LAMA2: variants seen among roughly 807,000 people sequenced by gnomAD.
LAMA2 encodes laminin subunit alpha 2.
LAMA2 carries 269 observed loss-of-function variants against 364.8 expected under a neutral mutation model. That is an observed-to-expected ratio of 0.74 (90% CI 0.67 to 0.82). LAMA2 has a LOEUF of 0.82. Among genes scored for constraint, LAMA2 ranks in the 40% least tolerant of loss-of-function variants. The pLI is 0.00. For synonymous variants in LAMA2, 1,379 were observed against 1,370.6 expected, an observed-to-expected ratio of 1.01 and a Z score of -0.14; for missense variants, 3,807 against 3,873.2, an observed-to-expected ratio of 0.98 and a Z score of 0.45.
At chr6:129,170,984 C>A (rs1239950160) in intron 9 of LAMA2, among the ~76,000 whole-genome samples, 1 of 151,496 alleles carries the variant, frequency 6.6e-6, no homozygotes, top group Non-Finnish European at 1.5e-5. Flanking sequence ...TTATCAGAGA[C>A]TAGGATTGCA....
chr6:128,923,209 T>C (rs1778852595), intron 1 of LAMA2, among the ~76,000 whole-genome samples: 1 of 150,370 alleles, frequency 6.7e-6, no homozygotes, highest in Non-Finnish European at 1.5e-5. Flanking sequence ...TTTGGTTCCA[T>C]ATGAACTTTA....
chr6:129,238,242 T>C (rs1216634363), intron 12 of LAMA2, among the ~76,000 whole-genome samples: 1 of 151,734 alleles, frequency 6.6e-6, no homozygotes, highest in Non-Finnish European at 1.5e-5. Context: ...AATTCAAAAA[T>C]CTATTCTGAA....
chr6:129,291,741 C>T (rs1476934570), intron 20 of LAMA2, 21 bp downstream of exon 20: 1 of 1,504,260 alleles, frequency 6.6e-7, no homozygotes, highest in Admixed American at 1.7e-5. Flanking sequence ...GAGGCTGACC[C>T]ATAAATTACT....
Position 129,456,383 on chromosome 6 carries a change from AGCCAGCATTGTGCCCAGC to A in LAMA2, c.6757_6774del (p.Ala2253_Ser2258del). 1 of 1,613,654 alleles carries A rather than the reference AGCCAGCATTGTGCCCAGC, an allele frequency of 6.2e-7. No individual in the cohort carries two copies. The highest frequency in any genetic ancestry group is 8.5e-7 in the Non-Finnish European group (1 of 1,179,672). On this transcript the variant is annotated inframe_deletion, in exon 48 of 65. Transcript: ENST00000421865. ...CTGTGAGAGCCCTGGATGGACCCAA[AGCCAGCATTGTGCCCAGC>A]ACACACCATTCGACGTCTCCTCCAG...
intron 40 of LAMA2, among the ~76,000 whole-genome samples, chr6:129,408,274 A>G (rs1457120153): frequency 2.0e-5 from 3 of 152,200 alleles, no homozygotes; most frequent in Non-Finnish European, 4.4e-5. Flanking sequence ...ACTTTGCCCC[A>G]GTCCGGCAAA....
chr6:129,267,160 GAGCCATGTCAGT>G lies in LAMA2; in HGVS notation c.2264_2275del (p.Glu755_Cys759delinsGly), dbSNP rs1307580344. 2 of 1,613,362 alleles carry G rather than the reference GAGCCATGTCAGT, an allele frequency of 1.2e-6. No individual in the cohort carries two copies. The highest frequency in any genetic ancestry group is 1.7e-6 in the Non-Finnish European group (2 of 1,179,554). ...CGGCACTATTTTTGGTGGCATCTGTGAGCCATGTCAGTGCTTTGGTCATGCGGAGTCCTGTGA... is the reference window on the plus strand; with the variant it reads ...CGGCACTATTTTTGGTGGCATCTGTGGCTTTGGTCATGCGGAGTCCTGTGA... On this transcript the variant is annotated inframe_deletion, in exon 16 of 65. Coordinates refer to ENST00000421865, the MANE Select transcript of LAMA2 (RefSeq NM_000426.4).
chr6:129,120,847 G>A (rs1776764460), intron 4 of LAMA2, among the ~76,000 whole-genome samples: 1 of 139,066 alleles, frequency 7.2e-6, no homozygotes, highest in African/African-American at 3.0e-5. Context: ...AAATGTAGAA[G>A]TGGGCATTAT....
intron 12 of LAMA2, among the ~76,000 whole-genome samples, chr6:129,247,306 G>A (rs1317678763): frequency 6.6e-6 from 1 of 151,970 alleles, no homozygotes; most frequent in Non-Finnish European, 1.5e-5. Context: ...AAAAAATTAT[G>A]CAGTCATGAT....
chr6:129,128,165 G>T (rs1485304588), intron 4 of LAMA2, among the ~76,000 whole-genome samples: 1 of 152,152 alleles, frequency 6.6e-6, no homozygotes, highest in African/African-American at 2.4e-5. Flanking sequence ...ATTTCGAATT[G>T]AGTTTTGTAT....
intron 41 of LAMA2, among the ~76,000 whole-genome samples, chr6:129,434,892 G>A (rs2494577): frequency 0.98 from 148,972 of 152,222 alleles, 72,902 homozygotes; most frequent in East Asian, 1. Context: ...TTTAGAAAAA[G>A]GTGATCAGCG....
intron 1 of LAMA2, among the ~76,000 whole-genome samples, chr6:128,957,771 G>A (rs921842202): frequency 3.3e-5 from 5 of 149,818 alleles, no homozygotes. Context: ...GTCCTTGAGA[G>A]CTCTTAGCTC....
chr6:129,079,122 C>T (rs918612078), intron 3 of LAMA2, among the ~76,000 whole-genome samples: 12 of 152,130 alleles, frequency 7.9e-5, no homozygotes, highest in Admixed American at 3.9e-4. Context: ...ATGCTATGAA[C>T]ATGGGCATAT....
intron 4 of LAMA2, among the ~76,000 whole-genome samples, chr6:129,112,371 A>G (rs1254538160): frequency 6.6e-6 from 1 of 151,936 alleles, no homozygotes; most frequent in Non-Finnish European, 1.5e-5. Flanking sequence ...TCATAGAAAG[A>G]TAAACTTTTG....
intron 1 of LAMA2, among the ~76,000 whole-genome samples, chr6:128,974,694 C>T (rs572299700): frequency 1.2e-4 from 18 of 152,210 alleles, no homozygotes; most frequent in Admixed American, 5.2e-4. Flanking sequence ...TGGAAATGAG[C>T]CTGTGGGTTC....
At chr6:129,505,075 A>C in intron 60 of LAMA2, 125 bp from the exon 61 acceptor site, 1 of 821,390 alleles carries the variant, frequency 1.2e-6, no homozygotes, top group East Asian at 2.5e-5. Context: ...GGCTTAGCGC[A>C]TACTAAGCAC....
intron 1 of LAMA2, among the ~76,000 whole-genome samples, chr6:128,900,973 G>A (rs1311622483): frequency 6.6e-6 from 1 of 152,172 alleles, no homozygotes; most frequent in Non-Finnish European, 1.5e-5. Context: ...GCAAAATAGT[G>A]AGATCCCTGC....
chr6:128,891,578 G>A (rs901591154), intron 1 of LAMA2, among the ~76,000 whole-genome samples: 1 of 151,850 alleles, frequency 6.6e-6, no homozygotes, highest in African/African-American at 2.4e-5. Context: ...CATCTAGTAA[G>A]GCCTCAATAA....
chr6:129,357,719 G>A (rs1393450923), intron 32 of LAMA2, among the ~76,000 whole-genome samples: 2 of 151,922 alleles, frequency 1.3e-5, no homozygotes, highest in Non-Finnish European at 2.9e-5. Flanking sequence ...CAACATTGTC[G>A]TTTTTAATAG....
At position 129,393,236 on chromosome 6, in the gene LAMA2, A is replaced by G; in HGVS notation, c.5426A>G (p.Lys1809Arg). 6.2e-7 allele frequency: 1 copy of G among 1,613,668 alleles called. No individual in the cohort carries two copies. The highest frequency in any genetic ancestry group is 8.5e-7 in the Non-Finnish European group (1 of 1,179,608). ...AATCGCCTATTTGCAGTAAATCAGA[A>G]AAACATGACTGCATTGGAGGTGAGT... Reference protein sequence around the residue: ...EANRLFAVNQKNMTALEKKKE... With the variant: ...EANRLFAVNQRNMTALEKKKE... Residue 1809 changes from lysine to arginine, a missense_variant, in exon 37 of 65, where the codon AAA becomes AGA. Lys to Arg is a conservative substitution (Grantham distance 26). Transcript: ENST00000421865.
Sources: allele counts gnomAD v4.1 joint callset (sites outside exome capture counted in the v4.1 genomes callset), GRCh38; gene constraint gnomAD v4.1.1; transcripts MANE v1.5; gene names NCBI Gene and HGNC (gene_info 2026-07-23, HGNC 2026-07-21).